The following AFG1L variants were observed in gnomAD, a reference collection of about 807,000 sequenced individuals.
The protein encoded by AFG1L is AFG1 like ATPase.
Under a neutral mutation model 62.2 loss-of-function variants are expected in AFG1L, and 53 were observed. That is an observed-to-expected ratio of 0.85 (90% CI 0.68 to 1.07). AFG1L has a LOEUF of 1.07. Among genes scored for constraint, AFG1L ranks in the 50% least tolerant of loss-of-function variants. The pLI, the probability that AFG1L is intolerant of heterozygous loss-of-function variation, is 0.00. For synonymous variants in AFG1L, 228 were observed against 210.3 expected (o/e 1.08, Z -0.73); for missense variants, 555 against 590.5 (o/e 0.94, Z 0.62).
intron 2 of AFG1L, among the ~76,000 whole-genome samples, chr6:108,343,402 C>A (rs1335895789): frequency 6.6e-6 from 1 of 152,044 alleles, no homozygotes; most frequent in Non-Finnish European, 1.5e-5. Context: ...ATCTTTCCCC[C>A]CATCTTTCTT....
chr6:108,497,854 C>T (rs1022993182), intron 10 of AFG1L, among the ~76,000 whole-genome samples: 9 of 152,134 alleles, frequency 5.9e-5, no homozygotes, highest in Non-Finnish European at 1.0e-4. Flanking sequence ...ATAGTGTTTT[C>T]GTTAGCTCTT....
rs182534999 is a variant in AFG1L at position 108,455,057 on chromosome 6, A to G, written c.890+7761A>G. ...GCTAATTCCTCAGTCTGGGGAAGGG[A>G]TGAAGATATTTGGGATATTTCTGAT... On this transcript the variant is annotated intron_variant, in intron 8 of 12. Transcript: ENST00000368977. 3.5e-3 allele frequency among the ~76,000 whole-genome samples: 529 copies of G among 152,286 alleles called. 1 individual carries two copies. Among genetic ancestry groups the G allele is most frequent in the Non-Finnish European group, 6.2e-3 (424 of 68,014 alleles).
At chr6:108,418,838 G>A (rs2114682339) in intron 7 of AFG1L, among the ~76,000 whole-genome samples, 1 of 152,228 alleles carries the variant, frequency 6.6e-6, no homozygotes, top group Middle Eastern at 3.4e-3. Context: ...AATTAGTGTG[G>A]TTAAAAGGAA....
intron 2 of AFG1L, among the ~76,000 whole-genome samples, chr6:108,326,709 C>T: frequency 6.6e-6 from 1 of 152,178 alleles, no homozygotes; most frequent in Non-Finnish European, 1.5e-5. Context: ...CCTGTAATCC[C>T]AGCACTTTGG....
intron 1 of AFG1L, among the ~76,000 whole-genome samples, chr6:108,303,037 G>A (rs535719916): frequency 1.4e-3 from 208 of 152,034 alleles, no homozygotes; most frequent in African/African-American, 4.6e-3. Context: ...TTCAGCCTCC[G>A]GAGTAGCTGG....
chr6:108,437,911 A>G (rs1771379914), intron 7 of AFG1L, among the ~76,000 whole-genome samples: 1 of 152,192 alleles, frequency 6.6e-6, no homozygotes, highest in Non-Finnish European at 1.5e-5. Flanking sequence ...TCCTGGTCAA[A>G]TCACAGCTCA....
At chr6:108,487,732 A>T (rs892803599) in intron 10 of AFG1L, among the ~76,000 whole-genome samples, 4 of 152,222 alleles carry the variant, frequency 2.6e-5, no homozygotes. Flanking sequence ...CAGAATTTAG[A>T]TGAGTGGAGT....
chr6:108,401,378 A>G (rs1254535257), intron 6 of AFG1L, among the ~76,000 whole-genome samples: 1 of 150,740 alleles, frequency 6.6e-6, no homozygotes. Context: ...TCCTGACCTC[A>G]TGATCCACCC....
At chr6:108,296,670 A>AT (rs1321236111) in intron 1 of AFG1L, among the ~76,000 whole-genome samples, 4 of 152,162 alleles carry the variant, frequency 2.6e-5, no homozygotes, top group Non-Finnish European at 4.4e-5. Context: ...AGATCATTCC[A>AT]TATCAATACC....
At chr6:108,461,484 C>T (rs1772460413) in intron 8 of AFG1L, among the ~76,000 whole-genome samples, 1 of 152,246 alleles carries the variant, frequency 6.6e-6, no homozygotes, top group South Asian at 2.1e-4. Flanking sequence ...GAGACCAGGT[C>T]TGGCTCAGTA....
At chr6:108,301,687 G>A (rs1043359461) in intron 1 of AFG1L, among the ~76,000 whole-genome samples, 2 of 152,162 alleles carry the variant, frequency 1.3e-5, no homozygotes, top group Admixed American at 6.5e-5. Context: ...ACAACAGTAA[G>A]GTAAAATAAA....
Position 108,474,220 on chromosome 6 carries a change from C to T in AFG1L, c.891-2645C>T, listed in dbSNP as rs148766874. On this transcript the variant is annotated intron_variant, in intron 8 of 12. Coordinates refer to ENST00000368977, the MANE Select transcript of AFG1L (RefSeq NM_145315.5). ...GCCTGCAAAGGACGTGATCTGCTTC[C>T]TTTTCTGGCTGCAGAGTATTCCATA... 9.5e-3 allele frequency among the ~76,000 whole-genome samples: 1,454 copies of T among 152,308 alleles called. 17 individuals are homozygous for T. The highest frequency in any genetic ancestry group is 0.033 in the African/African-American group (1,373 of 41,578).
intron 7 of AFG1L, among the ~76,000 whole-genome samples, chr6:108,416,357 A>G (rs1201129566): frequency 6.6e-6 from 1 of 152,238 alleles, no homozygotes; most frequent in East Asian, 1.9e-4. Flanking sequence ...ATTGTGGAAG[A>G]CAGTGTGGCG....
At chr6:108,344,728 C>G (rs12529330) in intron 2 of AFG1L, 39,330 of 470,956 alleles carry the variant, frequency 0.084, 2,463 homozygotes, top group South Asian at 0.18. Flanking sequence ...GTTTTACCCT[C>G]CCTTTCTGAA....
intron 7 of AFG1L, among the ~76,000 whole-genome samples, chr6:108,441,848 A>G (rs892311163): frequency 5.3e-5 from 8 of 151,954 alleles, no homozygotes; most frequent in Admixed American, 2.0e-4. Context: ...TACAAATGCA[A>G]TCATTTCGTA....
chr6:108,313,969 C>G (rs1777502103), intron 1 of AFG1L, among the ~76,000 whole-genome samples: 1 of 152,134 alleles, frequency 6.6e-6, no homozygotes, highest in South Asian at 2.1e-4. Context: ...AATCTGAGCA[C>G]TTTGGGAGGC....
intron 12 of AFG1L, 48 bp downstream of exon 12, chr6:108,519,858 G>T: frequency 7.9e-7 from 1 of 1,264,396 alleles, no homozygotes; most frequent in Non-Finnish European, 1.1e-6. Context: ...CAGCTTAATT[G>T]TTTTTGGTTT....
intron 7 of AFG1L, among the ~76,000 whole-genome samples, chr6:108,417,287 C>CAAA (rs58714925): frequency 3.7e-5 from 3 of 81,634 alleles, no homozygotes; most frequent in Admixed American, 3.5e-4. Context: ...CACACACACA[C>CAAA]AAAAAAAAAA....
rs779200181 is a variant in AFG1L, at chr6:108,298,260, ATTTTTTTTTT to A, written c.139+3056_139+3065del. On this transcript the variant is annotated intron_variant, in intron 1 of 12. Coordinates refer to ENST00000368977, the MANE Select transcript of AFG1L (RefSeq NM_145315.5). The stretch of plus-strand genomic sequence containing the variant: ...GCAGCTCTGCTTGGAGAGGGGAAGA[ATTTTTTTTTT>A]TTTTTTTTTTTTTGAGACAGAGTCT... Among the ~76,000 whole-genome samples the A allele has an allele frequency of 1.1e-3, 132 of 121,494 alleles. 2 individuals are homozygous for A. In the East Asian group the frequency reaches 0.028, roughly 26 times the overall value. 79.7% of individuals were successfully genotyped at this position (121,494 alleles called of 152,430 possible). A position where few individuals can be genotyped will look rare whatever the true frequency, so the allele number is the denominator to read the frequency against.
Sources: gnomAD v4.1 joint callset for allele counts (sites outside exome capture counted in the v4.1 genomes callset) on GRCh38, gnomAD v4.1.1 for gene constraint, MANE v1.5 for transcripts, NCBI Gene and HGNC (gene_info 2026-07-23, HGNC 2026-07-21) for gene names.